OCA2: variants seen among roughly 807,000 people sequenced by gnomAD.
OCA2 encodes the protein P protein.
In OCA2, 77 loss-of-function variants were observed where a neutral mutation model predicts 100.2. The observed-to-expected ratio is 0.77, with a 90% CI of 0.64 to 0.93. The LOEUF (loss-of-function observed/expected upper bound fraction) is 0.93. Ranked by LOEUF, OCA2 falls within the 40% of genes least tolerant of loss-of-function variation. OCA2 has a pLI of 0.00. For synonymous variants in OCA2, 432 were observed against 439.2 expected (o/e 0.98, Z 0.21); for missense variants, 1,062 against 1,089.1 (o/e 0.98, Z 0.35).
At chr15:27,722,732 TTTCTTTCTTC>T in the OCA2 span, among the ~76,000 whole-genome samples, 4 of 44,032 alleles carry the variant, frequency 9.1e-5, no homozygotes, top group Admixed American at 8.9e-4. Context: ...TTCTTCTTTC[TTTCTTTCTTC>T]TTTCTTCTTC....
intron 19 of OCA2, among the ~76,000 whole-genome samples, chr15:27,895,076 T>C (rs1461343039): frequency 6.6e-6 from 1 of 152,206 alleles, no homozygotes; most frequent in Non-Finnish European, 1.5e-5. Flanking sequence ...AATAAATTCC[T>C]GGGTCTTCTG....
At position 27,858,592 on chromosome 15, in the gene OCA2, AG is replaced by A; in HGVS notation, c.2245-7118del. Among the ~76,000 whole-genome samples the A allele has an allele frequency of 3.3e-5, 5 of 152,246 alleles. 1 individual carries two copies. The South Asian group carries it at 1.0e-3, about 32-fold the overall frequency. Reference sequence around the variant, plus strand: ...GACAAAATAGAATTTAAATAAAAACAGGTTACAAAAGACAAAGAATAACATT... The same window carrying A: ...GACAAAATAGAATTTAAATAAAAACAGTTACAAAAGACAAAGAATAACATT... On this transcript the variant is annotated intron_variant, in intron 21 of 23. Coordinates refer to ENST00000354638, the MANE Select transcript of OCA2 (RefSeq NM_000275.3).
rs550706713 is a variant in OCA2 at position 27,890,409 on chromosome 15, T to C, written c.2080-18487A>G. Among the ~76,000 whole-genome samples the C allele has an allele frequency of 2.2e-4, 34 of 152,138 alleles. No homozygotes were observed. In the Middle Eastern group the frequency reaches 0.014, roughly 61 times the overall value. ...GAACCCAAAGAAATCCATATCAAAA[T>C]AAATCATCAACTTTCAAAGACTAAA... is the stretch of plus-strand genomic sequence containing the variant. On this transcript the variant is annotated intron_variant, in intron 19 of 23. Transcript: ENST00000354638.
chr15:27,838,896 A>C (rs1265207119), intron 23 of OCA2, among the ~76,000 whole-genome samples: 1 of 152,212 alleles, frequency 6.6e-6, no homozygotes, highest in Non-Finnish European at 1.5e-5. Flanking sequence ...GATTAGCTTC[A>C]CCTGTCAAAA....
At chr15:27,840,655 C>T (rs902388097) in intron 23 of OCA2, among the ~76,000 whole-genome samples, 18 of 152,282 alleles carry the variant, frequency 1.2e-4, no homozygotes, top group South Asian at 4.1e-4. Flanking sequence ...AGCAACTCAA[C>T]GGAGGAACCA....
intron 9 of OCA2, among the ~76,000 whole-genome samples, chr15:28,002,315 G>A (rs1393191424): frequency 6.6e-6 from 1 of 152,170 alleles, no homozygotes; most frequent in Non-Finnish European, 1.5e-5. Context: ...GGCAGATGCT[G>A]GACCATGGAG....
intron 7 of OCA2, among the ~76,000 whole-genome samples, chr15:28,017,569 T>C (rs541840400): frequency 6.6e-4 from 101 of 152,244 alleles, no homozygotes; most frequent in African/African-American, 2.3e-3. Flanking sequence ...GTTCAGAACA[T>C]TGGTGTTGCG....
At chr15:28,054,204 ATGTG>A (rs1389838806) in intron 2 of OCA2, among the ~76,000 whole-genome samples, 2 of 150,404 alleles carry the variant, frequency 1.3e-5, no homozygotes, top group South Asian at 4.2e-4. Flanking sequence ...GCACACATGT[ATGTG>A]TGTATGTATG....
At chr15:27,902,700 A>C (rs1046566640) in intron 19 of OCA2, among the ~76,000 whole-genome samples, 1 of 152,114 alleles carries the variant, frequency 6.6e-6, no homozygotes, top group African/African-American at 2.4e-5. Flanking sequence ...AAACAGAGGG[A>C]CTTTGGAGAT....
At chr15:27,873,351 CCT>C (rs756795640) in intron 19 of OCA2, among the ~76,000 whole-genome samples, 10 of 152,196 alleles carry the variant, frequency 6.6e-5, no homozygotes, top group Non-Finnish European at 1.5e-4. Context: ...AAAATCACCC[CCT>C]GTTAAGAACC....
intron 23 of OCA2, among the ~76,000 whole-genome samples, chr15:27,828,907 G>A (rs1289108952): frequency 6.6e-6 from 1 of 152,206 alleles, no homozygotes; most frequent in Non-Finnish European, 1.5e-5. Flanking sequence ...TCTCAAGCGT[G>A]CTAGAAGAGC....
At chr15:27,848,718 T>C (rs2035626803) in intron 22 of OCA2, among the ~76,000 whole-genome samples, 1 of 152,268 alleles carries the variant, frequency 6.6e-6, no homozygotes, top group Admixed American at 6.5e-5. Flanking sequence ...TTCCACTCAA[T>C]AGGCCACACT....
rs1269349140 is a variant in OCA2 at position 28,056,012 on chromosome 15, C to T, written c.228-23849G>A. ...AAGGAGAGACACAAGAGGGCAGAGA[C>T]CCAGAGCAGTGTCTGTTCCTAGGAC... On this transcript the variant is annotated intron_variant, in intron 2 of 23. Transcript: ENST00000354638. Among the ~76,000 whole-genome samples, 8 of 152,216 alleles carry T rather than the reference C, an allele frequency of 5.3e-5. No individual in the cohort carries two copies. In the South Asian group the frequency reaches 1.0e-3, roughly 20 times the overall value.
the OCA2 span, among the ~76,000 whole-genome samples, chr15:27,728,950 T>G: frequency 6.6e-6 from 1 of 152,214 alleles, no homozygotes; most frequent in Non-Finnish European, 1.5e-5. Flanking sequence ...TGGTTTCTTT[T>G]TATTTAATGG....
intron 2 of OCA2, among the ~76,000 whole-genome samples, chr15:28,062,520 C>G (rs2043904515): frequency 6.6e-6 from 1 of 152,172 alleles, no homozygotes; most frequent in African/African-American, 2.4e-5. Flanking sequence ...GCTTGTCTTT[C>G]CACTTCTTGA....
chr15:27,984,998 G>A (rs2041299173), intron 13 of OCA2, 66 bp downstream of exon 13: 1 of 1,594,562 alleles, frequency 6.3e-7, no homozygotes, highest in South Asian at 1.1e-5. Flanking sequence ...GAGCCAGGCA[G>A]TGCAGGCAGA....
the OCA2 span, among the ~76,000 whole-genome samples, chr15:27,732,380 A>T: frequency 6.6e-6 from 1 of 152,196 alleles, no homozygotes; most frequent in Non-Finnish European, 1.5e-5. Context: ...CCCTCTGTTG[A>T]GAAGGCACCA....
chr15:28,074,330 G>A (rs2044358551), intron 2 of OCA2, among the ~76,000 whole-genome samples: 1 of 150,990 alleles, frequency 6.6e-6, no homozygotes, highest in Non-Finnish European at 1.5e-5. Flanking sequence ...CTTGAGGACA[G>A]GAGTTTGAAA....
Position 27,768,895 on chromosome 15 carries a change from G to A in OCA2, c.2433-13423C>T, listed in dbSNP as rs149880910. Among the ~76,000 whole-genome samples, 644 of 152,308 alleles carry A rather than the reference G, an allele frequency of 4.2e-3. 10 individuals are homozygous for A. Among genetic ancestry groups the A allele is most frequent in the South Asian group, 0.034 (162 of 4,824 alleles). On this transcript the variant is annotated intron_variant, in intron 23 of 23. Coordinates refer to ENST00000354638, the MANE Select transcript of OCA2 (RefSeq NM_000275.3). ...GGGGCCGAGCCAGTTGCTTCCTCCC[G>A]TGGGATGCAAGCAGCTTGATTGGAG...
Sources: gnomAD v4.1 joint callset for allele counts (sites outside exome capture counted in the v4.1 genomes callset) on GRCh38, gnomAD v4.1.1 for gene constraint, MANE v1.5 for transcripts, NCBI Gene and HGNC (gene_info 2026-07-23, HGNC 2026-07-21) for gene names.